The following NEDD9 variants were observed in gnomAD, a reference collection of about 807,000 sequenced individuals.
NEDD9 encodes enhancer of filamentation 1.
A neutral mutation model predicts 76.6 loss-of-function variants in NEDD9; 26 were observed. That is an observed-to-expected ratio of 0.34 (90% confidence interval 0.25 to 0.47). NEDD9 has a LOEUF of 0.47. NEDD9 is among the 20% of genes least tolerant of loss of function. NEDD9 has a pLI of 1.00. For synonymous variants in NEDD9, 392 were observed against 414.2 expected (o/e 0.95, Z 0.65); for missense variants, 937 against 1,058.5 (o/e 0.89, Z 1.59).
rs2113308728 is a variant in NEDD9 at position 11,252,765 on chromosome 6, GGTTT to G, written c.13-39042_13-39039del. 6.6e-6 allele frequency among the ~76,000 whole-genome samples: 1 copy of G among 152,152 alleles called. No individual in the cohort carries two copies. Among genetic ancestry groups the G allele is most frequent in the South Asian group, 2.1e-4 (1 of 4,816 alleles). ...AAACAACTCTGTCTCTTAAATATAG[GGTTT>G]GTTTGTGAGTAAATTGGTTGTATGC... On this transcript the variant is annotated intron_variant, in intron 3 of 3. Coordinates refer to the NEDD9 transcript ENST00000397378. This position sits in a 1 kb window ranked among gnomAD's most constrained non-coding sequence, Gnocchi z 4.3.
At chr6:11,186,791 G>A (rs1183733629) in intron 6 of NEDD9, among the ~76,000 whole-genome samples, 1 of 152,082 alleles carries the variant, frequency 6.6e-6, no homozygotes, top group Non-Finnish European at 1.5e-5. Flanking sequence ...CTAATTTTTT[G>A]TATTTTTAGT....
intron 1 of NEDD9, among the ~76,000 whole-genome samples, chr6:11,368,558 C>T (rs1762807906): frequency 6.6e-6 from 1 of 152,202 alleles, no homozygotes; most frequent in South Asian, 2.1e-4. Flanking sequence ...AATTTGTTGA[C>T]TGATGACTGA....
chr6:11,218,416 C>T (rs1384899465), intron 1 of NEDD9, among the ~76,000 whole-genome samples: 2 of 151,676 alleles, frequency 1.3e-5, no homozygotes, highest in Non-Finnish European at 2.9e-5. Flanking sequence ...ATTCCTTCCT[C>T]CCTCGAAACC....
At chr6:11,275,729 T>G (rs1041248465) in intron 3 of NEDD9, among the ~76,000 whole-genome samples, 5 of 152,198 alleles carry the variant, frequency 3.3e-5, no homozygotes, top group Non-Finnish European at 7.4e-5. Flanking sequence ...GTGTGACTGA[T>G]GAGTTAATGG....
chr6:11,268,039 A>G (rs1760233254), intron 3 of NEDD9, among the ~76,000 whole-genome samples: 1 of 151,934 alleles, frequency 6.6e-6, no homozygotes, highest in Admixed American at 6.6e-5. Flanking sequence ...ATATACTTTT[A>G]TTTTGTTTCA....
intron 3 of NEDD9, among the ~76,000 whole-genome samples, chr6:11,265,901 G>A (rs1760192205): frequency 6.6e-6 from 1 of 152,028 alleles, no homozygotes; most frequent in African/African-American, 2.4e-5. Flanking sequence ...ATGGAACTGA[G>A]GCCATTATCT....
chr6:11,239,010 A>T (rs566353087), intron 3 of NEDD9, among the ~76,000 whole-genome samples: 19 of 151,898 alleles, frequency 1.3e-4, no homozygotes, highest in African/African-American at 4.3e-4. Context: ...AATAAAAATT[A>T]AAAAAAATTA....
At chr6:11,352,329 C>T (rs769290920) in intron 1 of NEDD9, 29 of 151,992 alleles carry the variant, frequency 1.9e-4, no homozygotes, top group Admixed American at 1.3e-3. Flanking sequence ...CCCACTTGAT[C>T]TGCTGTTTCA....
chr6:11,353,178 T>C (rs866656718), intron 1 of NEDD9, among the ~76,000 whole-genome samples: 2 of 152,252 alleles, frequency 1.3e-5, no homozygotes, highest in Non-Finnish European at 2.9e-5. Flanking sequence ...TGTTTTTCTC[T>C]TTCCTGGCTG....
intron 2 of NEDD9, among the ~76,000 whole-genome samples, chr6:11,196,057 C>T (rs988710015): frequency 1.5e-4 from 23 of 152,124 alleles, no homozygotes; most frequent in African/African-American, 5.1e-4. Context: ...GTAATCCCAG[C>T]GCTTTGGGAG....
rs1758835006 is a variant in NEDD9, at chr6:11,213,081, G to A, written c.459+200C>T. Among the ~76,000 whole-genome samples, 1 of 152,220 alleles carries A rather than the reference G, an allele frequency of 6.6e-6. No homozygotes were observed. Among genetic ancestry groups the A allele is most frequent in the South Asian group, 2.1e-4 (1 of 4,830 alleles). Reference sequence around the variant, plus strand: ...GAGGGCTGGAAATCAACTGTACTCAGCACATGGTAGTTCAAAGAAGTTTTG... The same window carrying A: ...GAGGGCTGGAAATCAACTGTACTCAACACATGGTAGTTCAAAGAAGTTTTG... On this transcript the variant is annotated intron_variant, in intron 2 of 6. Transcript: ENST00000379446. This position sits in a 1 kb window ranked among gnomAD's most constrained non-coding sequence, Gnocchi z 5.4.
At position 11,183,517 on chromosome 6, in the gene NEDD9, C is replaced by T. The variant is rs1457658222; in HGVS notation, c.*1645G>A. On this transcript the variant is annotated 3_prime_UTR_variant, in exon 7 of 7. Coordinates refer to ENST00000379446, the MANE Select transcript of NEDD9 (RefSeq NM_006403.4). ...CAAGCGTTGTTGATTTTCAGCAACC[C>T]TCTTCCCACATGAACATTTCCTTGT... The T allele has an allele frequency of 6.6e-6, 1 of 152,226 alleles. No individual in the cohort carries two copies. Among genetic ancestry groups the T allele is most frequent in the Non-Finnish European group, 1.5e-5 (1 of 68,042 alleles). 9.4% of individuals were successfully genotyped at this position (152,226 alleles called of 1,614,324 possible).
chr6:11,209,308 C>T (rs1758703047), intron 2 of NEDD9, among the ~76,000 whole-genome samples: 1 of 152,178 alleles, frequency 6.6e-6, no homozygotes, highest in African/African-American at 2.4e-5. Flanking sequence ...TAAAACGGCC[C>T]TGTGCACAAA....
chr6:11,353,709 T>C (rs1383072551), intron 1 of NEDD9, among the ~76,000 whole-genome samples: 2 of 152,224 alleles, frequency 1.3e-5, no homozygotes, highest in African/African-American at 2.4e-5. Flanking sequence ...AAAATAAACA[T>C]TCCTAAAGCC....
intron 3 of NEDD9, among the ~76,000 whole-genome samples, chr6:11,274,970 A>G (rs1037878480): frequency 3.9e-5 from 6 of 152,238 alleles, no homozygotes; most frequent in African/African-American, 1.4e-4. Context: ...ACAAGAGCCA[A>G]GTTATGGAAT....
At chr6:11,187,019 C>G (rs11759939) in intron 6 of NEDD9, among the ~76,000 whole-genome samples, 19,325 of 152,220 alleles carry the variant, frequency 0.13, 1,541 homozygotes, top group Non-Finnish European at 0.18. Context: ...GATGCCAAGG[C>G]AAACATAAAT....
chr6:11,267,386 A>T (rs1760220284), intron 3 of NEDD9, among the ~76,000 whole-genome samples: 1 of 151,372 alleles, frequency 6.6e-6, no homozygotes, highest in African/African-American at 2.4e-5. Context: ...TGTCTTTGAA[A>T]AAAAAAAAAA....
At chr6:11,286,779 T>C (rs1486360564) in intron 3 of NEDD9, among the ~76,000 whole-genome samples, 1 of 152,114 alleles carries the variant, frequency 6.6e-6, no homozygotes, top group Non-Finnish European at 1.5e-5. Context: ...TGATGTATAG[T>C]GACAGAAAGC....
chr6:11,346,284 C>T (rs976319469), intron 1 of NEDD9, among the ~76,000 whole-genome samples: 3 of 152,164 alleles, frequency 2.0e-5, no homozygotes, highest in Admixed American at 6.5e-5. Context: ...TTTTGTTCTG[C>T]ACTAGGTACT....
Sources: gnomAD v4.1 joint callset for allele counts (sites outside exome capture counted in the v4.1 genomes callset) on GRCh38, gnomAD v4.1.1 for gene constraint, Gnocchi (gnomAD v3.1) non-coding constraint, MANE v1.5 for transcripts, NCBI Gene and HGNC (gene_info 2026-07-23, HGNC 2026-07-21) for gene names.